SPATA17: variants seen among roughly 807,000 people sequenced by gnomAD.
SPATA17 encodes spermatogenesis associated 17.
A neutral mutation model predicts 62.2 loss-of-function variants in SPATA17; 53 were observed. The ratio of observed to expected loss-of-function variants is 0.85; its 90% confidence interval spans 0.68 to 1.07. The LOEUF (loss-of-function observed/expected upper bound fraction) is 1.07. SPATA17 is among the 50% of genes least tolerant of loss of function. SPATA17 has a pLI of 0.00. For missense variants in SPATA17, 466 were observed against 425.5 expected (o/e 1.10, Z -0.84); for synonymous variants, 146 against 146.8 (o/e 0.99, Z 0.04).
At chr1:217,781,325 G>C (rs1178315108) in intron 7 of SPATA17, 3 of 152,148 alleles carry the variant, frequency 2.0e-5, no homozygotes, top group Admixed American at 1.3e-4. Context: ...AATATGATTA[G>C]AAATCTTTGT....
chr1:217,769,936 A>G (rs1283595496), intron 6 of SPATA17, among the ~76,000 whole-genome samples: 2 of 152,212 alleles, frequency 1.3e-5, no homozygotes, highest in Non-Finnish European at 2.9e-5. Flanking sequence ...CACTCTGACT[A>G]TCTCCTAACA....
At chr1:217,658,042 C>T (rs1189082298) in intron 3 of SPATA17, among the ~76,000 whole-genome samples, 1 of 152,100 alleles carries the variant, frequency 6.6e-6, no homozygotes, top group African/African-American at 2.4e-5. Context: ...GAAAACTGCC[C>T]CCATGATTCA....
At chr1:217,750,530 A>G (rs958180029) in intron 6 of SPATA17, among the ~76,000 whole-genome samples, 34 of 152,232 alleles carry the variant, frequency 2.2e-4, no homozygotes, top group African/African-American at 7.2e-4. Flanking sequence ...TTAACATAGC[A>G]TTCTCCAAAA....
chr1:217,658,172 C>T (rs1670482952), intron 3 of SPATA17, among the ~76,000 whole-genome samples: 1 of 152,076 alleles, frequency 6.6e-6, no homozygotes, highest in South Asian at 2.1e-4. Context: ...GAAATATAAC[C>T]CAGTGTTGGA....
intron 3 of SPATA17, chr1:217,665,251 T>C (rs1670669749): frequency 6.6e-6 from 1 of 150,550 alleles, no homozygotes; most frequent in Non-Finnish European, 1.5e-5. Flanking sequence ...TGCCTTAGCT[T>C]GTGACTATAC....
rs370046365 is a variant in SPATA17 at position 217,774,426 on chromosome 1, T to C, written c.612T>C (p.Pro204=). The C allele has an allele frequency of 4.1e-5, 66 of 1,613,950 alleles. No homozygotes were observed. The highest frequency in any genetic ancestry group is 5.3e-5 in the Non-Finnish European group (62 of 1,179,994). The change falls in exon 7 of 11, where the codon CCT becomes CCC. Residue 204 remains proline, a synonymous_variant. Transcript: ENST00000366933. The part of the protein sequence containing the change: ...QKAKPLTHRR[P]KVKQKDSTSL... ...CAAAGCCTTTAACACACCGAAGACC[T>C]AAAGTTAAGCAGAAGGACTCCACCA...
At chr1:217,819,459 A>C (rs1303661762) in intron 9 of SPATA17, among the ~76,000 whole-genome samples, 1 of 151,942 alleles carries the variant, frequency 6.6e-6, no homozygotes, top group Non-Finnish European at 1.5e-5. Flanking sequence ...CAATAGCTTC[A>C]GATTCAATGC....
chr1:217,790,024 C>T (rs896260559), intron 8 of SPATA17, among the ~76,000 whole-genome samples: 1 of 151,998 alleles, frequency 6.6e-6, no homozygotes, highest in African/African-American at 2.4e-5. Context: ...GGTGACAGAG[C>T]GAGACGCTGT....
intron 9 of SPATA17, among the ~76,000 whole-genome samples, chr1:217,812,378 AT>A (rs1312111552): frequency 6.6e-6 from 1 of 152,136 alleles, no homozygotes; most frequent in African/African-American, 2.4e-5. Context: ...AAGTCAGCAA[AT>A]TTAGAGCAAA....
intron 5 of SPATA17, among the ~76,000 whole-genome samples, chr1:217,731,663 T>C (rs1672404559): frequency 6.6e-6 from 1 of 152,186 alleles, no homozygotes; most frequent in Non-Finnish European, 1.5e-5. Context: ...CTAGAGGTTC[T>C]AGAAACATGT....
intron 6 of SPATA17, among the ~76,000 whole-genome samples, chr1:217,745,078 A>G (rs1241811976): frequency 6.6e-6 from 1 of 152,192 alleles, no homozygotes; most frequent in Non-Finnish European, 1.5e-5. Flanking sequence ...TTAATAAAAA[A>G]TTAGTTAGAA....
In SPATA17 at chr1:217,871,344, T is replaced by C. The variant is rs1316073244; in HGVS notation, c.*4325T>C. On this transcript the variant is annotated 3_prime_UTR_variant, in exon 11 of 11. Coordinates refer to ENST00000366933, the MANE Select transcript of SPATA17 (RefSeq NM_138796.4). ...ACCTGTTACAGCTGCACGGTATCCA[T>C]TTTCTGTGCTAAATTCATCTTTAAT... 2.0e-5 allele frequency: 3 copies of C among 152,162 alleles called. No homozygotes were observed. Among genetic ancestry groups the C allele is most frequent in the Non-Finnish European group, 4.4e-5 (3 of 68,040 alleles). 9.4% of individuals were successfully genotyped at this position (152,162 alleles called of 1,614,324 possible). A position where few individuals can be genotyped will look rare whatever the true frequency, so the allele number is the denominator to read the frequency against.
At chr1:217,852,636 A>T (rs1004090883) in intron 9 of SPATA17, among the ~76,000 whole-genome samples, 2 of 152,166 alleles carry the variant, frequency 1.3e-5, no homozygotes, top group African/African-American at 4.8e-5. Context: ...TGCATTGCAA[A>T]TCCCAAATGC....
chr1:217,736,228 C>T (rs904747778), intron 5 of SPATA17, among the ~76,000 whole-genome samples: 11 of 152,130 alleles, frequency 7.2e-5, no homozygotes, highest in Non-Finnish European at 1.3e-4. Flanking sequence ...GGATTATATA[C>T]TTGTTTTTGC....
At chr1:217,858,754 G>A (rs1346825658) in intron 9 of SPATA17, among the ~76,000 whole-genome samples, 1 of 152,124 alleles carries the variant, frequency 6.6e-6, no homozygotes, top group African/African-American at 2.4e-5. Context: ...TTATAGCCGG[G>A]CGTGGTGGCT....
chr1:217,772,754 C>T (rs1440000021), intron 6 of SPATA17, among the ~76,000 whole-genome samples: 1 of 152,104 alleles, frequency 6.6e-6, no homozygotes, highest in African/African-American at 2.4e-5. Flanking sequence ...CCTGCTAGGC[C>T]CTGGGGTTGC....
intron 9 of SPATA17, among the ~76,000 whole-genome samples, chr1:217,858,097 A>C (rs1411186875): frequency 1.3e-5 from 2 of 152,212 alleles, no homozygotes; most frequent in Non-Finnish European, 2.9e-5. Flanking sequence ...ACTTCTATTT[A>C]TGTTTATTTT....
intron 6 of SPATA17, among the ~76,000 whole-genome samples, chr1:217,752,131 G>T (rs766774499): frequency 2.0e-5 from 3 of 152,174 alleles, no homozygotes; most frequent in Middle Eastern, 3.4e-3. Flanking sequence ...GGGCTCAAGT[G>T]CTCTCCCACC....
At chr1:217,728,425 T>C (rs1303908938) in intron 5 of SPATA17, among the ~76,000 whole-genome samples, 1 of 152,180 alleles carries the variant, frequency 6.6e-6, no homozygotes, top group Admixed American at 6.5e-5. Flanking sequence ...TGAATAGTTA[T>C]CTCAATGTAA....
Sources: gnomAD v4.1 joint callset for allele counts (sites outside exome capture counted in the v4.1 genomes callset) on GRCh38, gnomAD v4.1.1 for gene constraint, MANE v1.5 for transcripts, NCBI Gene and HGNC (gene_info 2026-07-23, HGNC 2026-07-21) for gene names.